Variants in MAGI2 observed in about 807,000 individuals in gnomAD.
MAGI2 encodes the protein membrane-associated guanylate kinase, WW and PDZ domain-containing protein 2.
MAGI2 carries 35 observed loss-of-function variants against 133.3 expected under a neutral mutation model. The observed-to-expected ratio is 0.26, with a 90% CI of 0.20 to 0.35. The LOEUF (loss-of-function observed/expected upper bound fraction) is 0.35. Among genes scored for constraint, MAGI2 ranks in the 10% least tolerant of loss-of-function variants. The pLI is 1.00. For missense variants in MAGI2, 1,636 were observed against 1,863.4 expected, an observed-to-expected ratio of 0.88 and a Z score of 2.25; for synonymous variants, 729 against 710.6, an observed-to-expected ratio of 1.03 and a Z score of -0.41.
chr7:78,899,884 A>G (rs2151590064), intron 2 of MAGI2, among the ~76,000 whole-genome samples: 1 of 152,298 alleles, frequency 6.6e-6, no homozygotes, highest in South Asian at 2.1e-4. Context: ...TAATTTGTTC[A>G]CTTGCCAAAA....
chr7:78,879,414 T>C (rs188158470), intron 2 of MAGI2, among the ~76,000 whole-genome samples: 57 of 152,178 alleles, frequency 3.7e-4, no homozygotes, highest in African/African-American at 1.3e-3. Flanking sequence ...TACTGGCCTG[T>C]AGGTTGAACT....
chr7:78,912,521 C>A (rs1313968453), intron 2 of MAGI2, among the ~76,000 whole-genome samples: 3 of 151,806 alleles, frequency 2.0e-5, no homozygotes, highest in Admixed American at 2.0e-4. Context: ...TATAAGCAGG[C>A]AGAAAAATGT....
chr7:78,521,514 T>A lies in MAGI2; in HGVS notation c.670A>T (p.Met224Leu). ...KRKRNKSVSNMEKASIEPPEE... is the reference protein window; with the variant it reads ...KRKRNKSVSNLEKASIEPPEE... ...GGAGGCTCTATACTGGCTTTCTCCATGTTGCTCACTGATTTATTCCTCTTC... is the reference window on the plus strand; with the variant it reads ...GGAGGCTCTATACTGGCTTTCTCCAAGTTGCTCACTGATTTATTCCTCTTC... Residue 224 changes from methionine (M) to leucine (L), a missense_variant, in exon 4 of 22, where the codon ATG becomes TTG. Met to Leu is a conservative substitution (Grantham distance 15). Around this residue, in one of 5 missense-constraint regions of MAGI2, gnomAD observed 165 missense variants for 128.4 expected, o/e 1.28. Transcript: ENST00000354212. 1 of 1,614,158 alleles carries A rather than the reference T, an allele frequency of 6.2e-7. No homozygotes were observed. Among genetic ancestry groups the A allele is most frequent in the South Asian group, 1.1e-5 (1 of 91,090 alleles).
intron 6 of MAGI2, among the ~76,000 whole-genome samples, chr7:78,473,499 C>A (rs1791433453): frequency 6.6e-6 from 1 of 152,082 alleles, no homozygotes; most frequent in Non-Finnish European, 1.5e-5. Context: ...CCATCTATAA[C>A]CTTCCTCCAA....
At chr7:78,879,137 A>T (rs910740279) in intron 2 of MAGI2, among the ~76,000 whole-genome samples, 1 of 152,218 alleles carries the variant, frequency 6.6e-6, no homozygotes, top group African/African-American at 2.4e-5. Flanking sequence ...CCAACTCTGG[A>T]TGCTTAGTAG....
intron 2 of MAGI2, among the ~76,000 whole-genome samples, chr7:78,798,743 T>C (rs1323962861): frequency 1.3e-5 from 2 of 152,162 alleles, no homozygotes. Context: ...CTCTCTGAGC[T>C]ATACCCAGTA....
intron 1 of MAGI2, among the ~76,000 whole-genome samples, chr7:79,213,236 G>GTATATA (rs1224811614): frequency 4.1e-5 from 6 of 148,104 alleles, no homozygotes; most frequent in Middle Eastern, 3.5e-3. Context: ...GTGTGTGTGT[G>GTATATA]TGTATATATG....
In MAGI2 at chr7:78,018,168, G is replaced by C. The variant is rs1807941660; in HGVS notation, c.*1147C>G. ...AATACAAGACGAAAGAAAACTAATG[G>C]AAACAAAAGGACAAAGGGTAAGGAA... On this transcript the variant is annotated 3_prime_UTR_variant, in exon 22 of 22. Coordinates refer to ENST00000354212, the MANE Select transcript of MAGI2 (RefSeq NM_012301.4). 6.6e-6 allele frequency: 1 copy of C among 152,322 alleles called. No individual in the cohort carries two copies. Among genetic ancestry groups the C allele is most frequent in the Admixed American group, 6.5e-5 (1 of 15,268 alleles). 9.4% of individuals were successfully genotyped at this position (152,322 alleles called of 1,614,324 possible).
At chr7:79,237,403 G>A (rs1213087621) in intron 1 of MAGI2, among the ~76,000 whole-genome samples, 1 of 152,188 alleles carries the variant, frequency 6.6e-6, no homozygotes, top group African/African-American at 2.4e-5. Flanking sequence ...TGAGCCAGGA[G>A]AATGGCATGA....
intron 2 of MAGI2, among the ~76,000 whole-genome samples, chr7:78,816,258 G>A (rs890061740): frequency 5.3e-5 from 8 of 152,212 alleles, no homozygotes; most frequent in African/African-American, 1.9e-4. Context: ...AAAGTGTGAA[G>A]CTAGCAGGGG....
chr7:78,621,956 A>G (rs535168621), intron 3 of MAGI2, among the ~76,000 whole-genome samples: 74 of 152,158 alleles, frequency 4.9e-4, no homozygotes, highest in African/African-American at 1.8e-3. Flanking sequence ...CTAAAACCCA[A>G]TGGTGAGGCT....
intron 2 of MAGI2, among the ~76,000 whole-genome samples, chr7:78,629,409 T>C (rs768868744): frequency 4.6e-5 from 7 of 152,150 alleles, no homozygotes; most frequent in Non-Finnish European, 1.0e-4. Flanking sequence ...TCCTATTCTG[T>C]TCTTCTTTCT....
chr7:78,457,550 A>C (rs1053009385), intron 6 of MAGI2, among the ~76,000 whole-genome samples: 6 of 152,196 alleles, frequency 3.9e-5, no homozygotes, highest in African/African-American at 1.4e-4. Flanking sequence ...TAAAATGTTT[A>C]GCAGAGTTCT....
At chr7:78,654,520 T>C (rs1046659100) in intron 2 of MAGI2, among the ~76,000 whole-genome samples, 6 of 151,686 alleles carry the variant, frequency 4.0e-5, no homozygotes, top group African/African-American at 1.2e-4. Flanking sequence ...AAAGGTCATA[T>C]AGCCAGAAAT....
chr7:78,060,987 G>C (rs1004081166), intron 21 of MAGI2, among the ~76,000 whole-genome samples: 4 of 151,880 alleles, frequency 2.6e-5, no homozygotes, highest in African/African-American at 9.7e-5. Flanking sequence ...CCAACATGGT[G>C]AAACCCTGTC....
chr7:78,175,663 A>T (rs1004263487), intron 14 of MAGI2, among the ~76,000 whole-genome samples: 2 of 152,106 alleles, frequency 1.3e-5, no homozygotes, highest in Non-Finnish European at 2.9e-5. Context: ...GTCTGTGGAG[A>T]CTGTTCCCTT....
intron 1 of MAGI2, among the ~76,000 whole-genome samples, chr7:79,048,584 T>A (rs191627687): frequency 2.0e-5 from 3 of 152,328 alleles, no homozygotes; most frequent in African/African-American, 7.2e-5. Context: ...TTCAGATAAA[T>A]TAGTATTCTA....
intron 4 of MAGI2, among the ~76,000 whole-genome samples, chr7:78,504,771 T>C (rs1794938855): frequency 6.6e-6 from 1 of 152,128 alleles, no homozygotes; most frequent in East Asian, 1.9e-4. Context: ...CTGGAAATGA[T>C]ATAAATGCCT....
intron 2 of MAGI2, among the ~76,000 whole-genome samples, chr7:78,843,350 A>G (rs1432138043): frequency 6.6e-6 from 1 of 151,922 alleles, no homozygotes; most frequent in East Asian, 1.9e-4. Flanking sequence ...TGTTGTCTTT[A>G]TGTGTCTGAA....
Sources: allele counts gnomAD v4.1 joint callset (sites outside exome capture counted in the v4.1 genomes callset), GRCh38; gene constraint gnomAD v4.1.1; regional missense constraint gnomAD v4.1.1; transcripts MANE v1.5; gene names NCBI Gene and HGNC (gene_info 2026-07-23, HGNC 2026-07-21).